The following SDSL variants were observed in gnomAD, a reference collection of about 807,000 sequenced individuals.
SDSL encodes the protein serine dehydratase-like.
A neutral mutation model predicts 27.6 loss-of-function variants in SDSL; 26 were observed. That is an observed-to-expected ratio of 0.94 (90% CI 0.69 to 1.31). The LOEUF is 1.31. SDSL is among the 50% of genes most tolerant of loss of function. The pLI is 0.00. For missense variants in SDSL, 431 were observed against 423.5 expected (o/e 1.02, Z -0.16); for synonymous variants, 196 against 180.6 (o/e 1.09, Z -0.69).
chr12:113,427,927 G>A, intron 1 of SDSL, 35 bp from the exon 2 acceptor site: 1 of 1,556,234 alleles, frequency 6.4e-7, no homozygotes, highest in South Asian at 1.2e-5. Context: ...TCTTGATGGG[G>A]ACTGCCTGGG....
At chr12:113,428,972 T>C (rs1353514575) in intron 3 of SDSL, among the ~76,000 whole-genome samples, 188 bp from the exon 4 acceptor site, 1 of 151,276 alleles carries the variant, frequency 6.6e-6, no homozygotes, top group Non-Finnish European at 1.5e-5. Context: ...GAACCAATCA[T>C]GGGTTGGGGG....
In SDSL at chr12:113,438,182, G is replaced by T; in HGVS notation, c.*103G>T. 1 of 1,019,080 alleles carries T rather than the reference G, an allele frequency of 9.8e-7. No homozygotes were observed. The highest frequency in any genetic ancestry group is 1.4e-6 in the Non-Finnish European group (1 of 696,688). 63.1% of individuals were successfully genotyped at this position (1,019,080 alleles called of 1,614,324 possible). A position where few individuals can be genotyped will look rare whatever the true frequency, so the allele number is the denominator to read the frequency against. On this transcript the variant is annotated 3_prime_UTR_variant, in exon 8 of 8. Coordinates refer to ENST00000403593, the MANE Select transcript of SDSL (RefSeq NM_001304993.2). ...GGCAGATGGCAGTGGAAGCTGCCCT[G>T]TGCAACTGTGCTGGCTGCCTCCTGA...
intron 6 of SDSL, 27 bp from the exon 7 acceptor site, chr12:113,436,724 C>T (rs1365490760): frequency 1.3e-6 from 2 of 1,557,298 alleles, no homozygotes; most frequent in South Asian, 2.4e-5. Context: ...CCCTGGTCTC[C>T]CTGCCCCACC....
At chr12:113,432,843 G>A (rs1214278583) in intron 4 of SDSL, among the ~76,000 whole-genome samples, 1 of 152,188 alleles carries the variant, frequency 6.6e-6, no homozygotes, top group Admixed American at 6.5e-5. Context: ...TTGCTGCAAA[G>A]GACATGATCT....
At chr12:113,428,508 A>G (rs369406367) in intron 3 of SDSL, 49 bp downstream of exon 3, 279 of 1,570,800 alleles carry the variant, frequency 1.8e-4, no homozygotes, top group Non-Finnish European at 2.3e-4. Context: ...GGGAGGAGGA[A>G]TAGGCTGGAG....
At chr12:113,423,837 G>A (rs924741386) in intron 1 of SDSL, among the ~76,000 whole-genome samples, 2 of 152,106 alleles carry the variant, frequency 1.3e-5, no homozygotes, top group Non-Finnish European at 2.9e-5. Flanking sequence ...AAAATCTGGG[G>A]ATTTCACCAA....
intron 1 of SDSL, chr12:113,422,904 A>G (rs1047155930): frequency 5.3e-5 from 8 of 152,296 alleles, no homozygotes; most frequent in Admixed American, 3.3e-4. Context: ...CCCAGTGACA[A>G]AAGTGACTTG....
intron 7 of SDSL, 27 bp from the exon 8 acceptor site, chr12:113,437,859 C>T: frequency 6.4e-7 from 1 of 1,560,100 alleles, no homozygotes; most frequent in Non-Finnish European, 8.7e-7. Flanking sequence ...CCCTTTCCTT[C>T]CTCTCTCCAT....
In SDSL at chr12:113,437,045, A is replaced by C. The variant is rs901559371; in HGVS notation, c.796+170A>C. On this transcript the variant is annotated intron_variant, in intron 7 of 7. Transcript: ENST00000403593. ...TAGATGGAAGGGGGTGAGGATAAAG[A>C]AGGAGTGTATCTTGCTGTCTCTAGC... is the stretch of plus-strand genomic sequence containing the variant. 37 of 565,754 alleles carry C rather than the reference A, an allele frequency of 6.5e-5. 1 individual carries two copies. The highest frequency in any genetic ancestry group is 5.9e-4 in the African/African-American group (30 of 51,152). The allele number at this position is 565,754 out of a possible 1,614,324, so 35.0% of individuals were successfully genotyped here. A position where few individuals can be genotyped will look rare whatever the true frequency, so the allele number is the denominator to read the frequency against.
rs778666475 is a variant in SDSL at position 113,435,319 on chromosome 12, C to G, written c.444-10C>G. ...TCACTCTGCTTCTCCCTCTCACCCC[C>G]CCTCCCCAGGAAAGGCCACGCCAGC... On this transcript the variant is annotated splice_polypyrimidine_tract_variant and intron_variant, in intron 5 of 7. Transcript: ENST00000403593. The G allele has an allele frequency of 2.7e-6, 4 of 1,491,286 alleles. No individual in the cohort carries two copies. Among genetic ancestry groups the G allele is most frequent in the Admixed American group, 2.2e-5 (1 of 44,584 alleles). 92.4% of individuals were successfully genotyped at this position (1,491,286 alleles called of 1,614,324 possible).
chr12:113,435,920 C>T (rs914919530), intron 6 of SDSL, among the ~76,000 whole-genome samples: 10 of 152,138 alleles, frequency 6.6e-5, no homozygotes, highest in South Asian at 4.2e-4. Flanking sequence ...AGTTTGAGAC[C>T]GGCCTGGCCA....
At chr12:113,432,280 C>CTTTCT in intron 4 of SDSL, among the ~76,000 whole-genome samples, 1 of 129,260 alleles carries the variant, frequency 7.7e-6, no homozygotes, top group South Asian at 2.7e-4. Context: ...TTCTTTCTTT[C>CTTTCT]TTTCTTTCTT....
intron 1 of SDSL, among the ~76,000 whole-genome samples, chr12:113,423,851 G>A (rs923905518): frequency 6.6e-6 from 1 of 152,146 alleles, no homozygotes; most frequent in Non-Finnish European, 1.5e-5. Context: ...TCACCAAAAA[G>A]GAAGAGAGAC....
chr12:113,425,430 T>C (rs901819826), intron 1 of SDSL, among the ~76,000 whole-genome samples: 3 of 152,106 alleles, frequency 2.0e-5, no homozygotes, highest in Admixed American at 1.3e-4. Context: ...CAAGAGACCC[T>C]GATCTCTCTG....
intron 1 of SDSL, among the ~76,000 whole-genome samples, chr12:113,424,059 G>A (rs1400623948): frequency 1.3e-5 from 2 of 152,078 alleles, no homozygotes; most frequent in Non-Finnish European, 2.9e-5. Flanking sequence ...CTAGGCTGGA[G>A]TGCAATGGCG....
chr12:113,437,975 T>C lies in SDSL; in HGVS notation c.886T>C (p.Cys296Arg). The C allele has an allele frequency of 1.2e-6, 2 of 1,614,160 alleles. No individual in the cohort carries two copies. Among genetic ancestry groups the C allele is most frequent in the Non-Finnish European group, 1.7e-6 (2 of 1,179,976 alleles). Reference protein sequence around the residue: ...GLLRRLQAEGCLPPSLTSVVV... With the variant: ...GLLRRLQAEGRLPPSLTSVVV... ...CCTGCGGAGGCTCCAGGCCGAGGGCTGCCTGCCCCCTTCCCTGACTTCAGT... is the reference window on the plus strand; with the variant it reads ...CCTGCGGAGGCTCCAGGCCGAGGGCCGCCTGCCCCCTTCCCTGACTTCAGT... The change falls in exon 8 of 8, where the codon TGC becomes CGC. Residue 296 changes from cysteine (C) to arginine (R), a missense_variant. Cys to Arg is a radical substitution (Grantham distance 180). Coordinates refer to ENST00000403593, the MANE Select transcript of SDSL (RefSeq NM_001304993.2).
At chr12:113,434,594 C>T (rs1342595342) in intron 5 of SDSL, among the ~76,000 whole-genome samples, 2 of 152,210 alleles carry the variant, frequency 1.3e-5, no homozygotes, top group African/African-American at 4.8e-5. Context: ...GAAACTGAGG[C>T]ACATCGAGGT....
At chr12:113,434,260 G>A in intron 5 of SDSL, 38 bp downstream of exon 5, 1 of 1,491,370 alleles carries the variant, frequency 6.7e-7, no homozygotes, top group Non-Finnish European at 9.2e-7. Context: ...GTCCAGAGCT[G>A]GGAGACCTTC....
intron 5 of SDSL, 128 bp downstream of exon 5, chr12:113,434,350 A>G (rs2136959116): frequency 9.1e-6 from 6 of 656,822 alleles, no homozygotes; most frequent in Admixed American, 2.6e-5. Context: ...CCAGGCAGAC[A>G]TGGGTTCAGA....
Sources: gnomAD v4.1 joint callset for allele counts (sites outside exome capture counted in the v4.1 genomes callset) on GRCh38, gnomAD v4.1.1 for gene constraint, MANE v1.5 for transcripts, NCBI Gene and HGNC (gene_info 2026-07-23, HGNC 2026-07-21) for gene names.